CPEB3: variants seen among roughly 807,000 people sequenced by gnomAD.
The protein encoded by CPEB3 is cytoplasmic polyadenylation element binding protein 3, also known as cytoplasmic polyadenylation element-binding protein 3.
Under a neutral mutation model 67.2 loss-of-function variants are expected in CPEB3, and 20 were observed. That is an observed-to-expected ratio of 0.30 (90% CI 0.21 to 0.43). CPEB3 has a LOEUF of 0.43. CPEB3 is among the 20% of genes least tolerant of loss of function. CPEB3 has a pLI of 1.00. For synonymous variants in CPEB3, 376 were observed against 393.1 expected (o/e 0.96, Z 0.51); for missense variants, 746 against 968.6 (o/e 0.77, Z 3.05).
chr10:92,289,171 G>C (rs1219315606), intron 1 of CPEB3, among the ~76,000 whole-genome samples: 4 of 152,150 alleles, frequency 2.6e-5, no homozygotes, highest in Admixed American at 2.0e-4. Flanking sequence ...TGAACCCGGA[G>C]GAGGAGACTG....
intron 8 of CPEB3, among the ~76,000 whole-genome samples, chr10:92,088,864 A>T (rs996135706): frequency 5.9e-5 from 9 of 152,222 alleles, no homozygotes; most frequent in Non-Finnish European, 1.3e-4. Context: ...ATCCCTTGGA[A>T]ATAATAAAAA....
chr10:92,127,387 G>T (rs1335934269), intron 6 of CPEB3, among the ~76,000 whole-genome samples: 2 of 152,208 alleles, frequency 1.3e-5, no homozygotes, highest in East Asian at 3.9e-4. Context: ...TTAGAAATGT[G>T]GGGGAAGGCC....
chr10:92,070,849 G>A (rs2058720795), intron 9 of CPEB3, among the ~76,000 whole-genome samples: 1 of 72,650 alleles, frequency 1.4e-5, no homozygotes, highest in African/African-American at 4.4e-5. Context: ...GTCAGTGACA[G>A]GTTTAAAAAA....
rs1042989515 is a variant in CPEB3, at chr10:92,081,358, G to A, written c.1831C>T (p.Arg611Cys). 1.9e-6 allele frequency: 3 copies of A among 1,614,162 alleles called. No individual in the cohort carries two copies. The highest frequency in any genetic ancestry group is 2.5e-6 in the Non-Finnish European group (3 of 1,180,030). Residue 611 changes from arginine to cysteine, a missense_variant, in exon 9 of 10, where the codon CGT (arginine) becomes TGT (cysteine). By Grantham distance (180) the Arg-to-Cys change is radical. Around this residue, in one of 2 missense-constraint regions of CPEB3, gnomAD observed 103 missense variants for 251.1 expected, o/e 0.41. Transcript: ENST00000265997. ...TCATTGTGCTGAAGCTGCACAAAAC[G>A]AGCGCTGATGGCTGCAATGTAACTC... ...QQSYIAAISA[R>C]FVQLQHNDID...
intron 2 of CPEB3, among the ~76,000 whole-genome samples, chr10:92,207,027 C>A (rs1428028633): frequency 6.6e-6 from 1 of 151,922 alleles, no homozygotes; most frequent in African/African-American, 2.4e-5. Flanking sequence ...ACTCTGTCAC[C>A]CAGGCTGGAG....
At chr10:92,107,493 G>C (rs1435787105) in intron 7 of CPEB3, among the ~76,000 whole-genome samples, 1 of 152,056 alleles carries the variant, frequency 6.6e-6, no homozygotes, top group African/African-American at 2.4e-5. Context: ...CTCTTTTTCA[G>C]CCCCTATCTC....
rs567999739 is a variant in CPEB3 at position 92,061,123 on chromosome 10, T to C, written c.1870-8684A>G. Among the ~76,000 whole-genome samples, 3 of 152,254 alleles carry C rather than the reference T, an allele frequency of 2.0e-5. No individual in the cohort carries two copies. The East Asian group carries it at 5.8e-4, about 29-fold the overall frequency. On this transcript the variant is annotated intron_variant, in intron 9 of 9. Transcript: ENST00000265997. The stretch of plus-strand genomic sequence containing the variant: ...AATTTGGAAGCAACCTAAGTGTCCA[T>C]CAACAGATGAATGGGCCGAGTACGA...
chr10:92,250,213 G>A (rs1203967961), intron 1 of CPEB3, among the ~76,000 whole-genome samples: 4 of 150,746 alleles, frequency 2.7e-5, no homozygotes, highest in South Asian at 2.1e-4. Context: ...TCAGCCTCCC[G>A]AGTAGCTGGG....
intron 7 of CPEB3, among the ~76,000 whole-genome samples, chr10:92,096,768 A>G (rs1802441273): frequency 6.6e-6 from 1 of 151,934 alleles, no homozygotes; most frequent in Admixed American, 6.6e-5. Flanking sequence ...ACACGGTAAA[A>G]CCTGTCTCTA....
intron 1 of CPEB3, among the ~76,000 whole-genome samples, chr10:92,250,852 C>T (rs1475522467): frequency 7.0e-6 from 1 of 143,222 alleles, no homozygotes; most frequent in Admixed American, 7.2e-5. Context: ...ACCACACACA[C>T]AGTTAATTTT....
At chr10:92,129,653 A>G (rs1590202135) in intron 6 of CPEB3, among the ~76,000 whole-genome samples, 1 of 152,146 alleles carries the variant, frequency 6.6e-6, no homozygotes, top group African/African-American at 2.4e-5. Context: ...GGATCATATA[A>G]CTGACAAGAG....
intron 4 of CPEB3, among the ~76,000 whole-genome samples, chr10:92,155,851 GA>G (rs1349857964): frequency 2.6e-5 from 4 of 151,798 alleles, no homozygotes; most frequent in Admixed American, 2.6e-4. Flanking sequence ...AAAGTAAAAT[GA>G]AAAAAGGATG....
intron 2 of CPEB3, among the ~76,000 whole-genome samples, chr10:92,218,739 G>A (rs532666119): frequency 6.6e-6 from 1 of 152,108 alleles, no homozygotes; most frequent in South Asian, 2.1e-4. Flanking sequence ...GTCATAGGGT[G>A]CTCTATAGCA....
intron 2 of CPEB3, among the ~76,000 whole-genome samples, chr10:92,208,910 TC>T (rs1441753242): frequency 1.1e-4 from 16 of 152,196 alleles, no homozygotes; most frequent in African/African-American, 3.4e-4. Flanking sequence ...TTTTTTTGAC[TC>T]CTCCTTTGTT....
At chr10:92,129,451 A>G (rs576202753) in intron 6 of CPEB3, among the ~76,000 whole-genome samples, 1 of 152,258 alleles carries the variant, frequency 6.6e-6, no homozygotes, top group East Asian at 1.9e-4. Context: ...CCTATGACCT[A>G]CATAACAAAA....
chr10:92,215,739 CTTTTTTTTT>C (rs373522649), intron 2 of CPEB3, among the ~76,000 whole-genome samples: 1 of 99,916 alleles, frequency 1.0e-5, no homozygotes, highest in Non-Finnish European at 1.9e-5. Context: ...TGGCGCCTGG[CTTTTTTTTT>C]TTTTTTTTTT....
chr10:92,164,553 C>T (rs770876153), intron 4 of CPEB3, among the ~76,000 whole-genome samples: 1 of 152,082 alleles, frequency 6.6e-6, no homozygotes, highest in Non-Finnish European at 1.5e-5. Flanking sequence ...ATTAATGAAA[C>T]CAATATGTTT....
chr10:92,063,305 G>A (rs938046583), intron 9 of CPEB3, among the ~76,000 whole-genome samples: 5 of 152,154 alleles, frequency 3.3e-5, no homozygotes, highest in African/African-American at 9.7e-5. Flanking sequence ...TAAACTATTC[G>A]CAGGTGCAGA....
intron 4 of CPEB3, among the ~76,000 whole-genome samples, chr10:92,175,095 G>A (rs1464439690): frequency 2.6e-5 from 4 of 151,824 alleles, no homozygotes; most frequent in Non-Finnish European, 5.9e-5. Context: ...CATTACACAT[G>A]ACTTCTCCAA....
Sources: allele counts gnomAD v4.1 joint callset (sites outside exome capture counted in the v4.1 genomes callset), GRCh38; gene constraint gnomAD v4.1.1; regional missense constraint gnomAD v4.1.1; transcripts MANE v1.5; gene names NCBI Gene and HGNC (gene_info 2026-07-23, HGNC 2026-07-21).